The following ATP10B variants were observed in gnomAD, a reference collection of about 807,000 sequenced individuals.
The protein encoded by ATP10B is phospholipid-transporting ATPase VB.
ATP10B carries 122 observed loss-of-function variants against 141.2 expected under a neutral mutation model. The ratio of observed to expected loss-of-function variants is 0.86; its 90% CI spans 0.75 to 1.00. The LOEUF is 1.00. Among genes scored for constraint, ATP10B ranks in the 50% least tolerant of loss-of-function variants. The pLI, the probability that ATP10B is intolerant of heterozygous loss-of-function variation, is 0.00. For synonymous variants in ATP10B, 685 were observed against 692.0 expected (o/e 0.99, Z 0.16); for missense variants, 1,876 against 1,825.3 (o/e 1.03, Z -0.51).
At chr5:160,672,839 G>C (rs922409577) in intron 6 of ATP10B, among the ~76,000 whole-genome samples, 1 of 152,246 alleles carries the variant, frequency 6.6e-6, no homozygotes, top group African/African-American at 2.4e-5. Flanking sequence ...TGAGGAGGAA[G>C]AGGGTTTTGG....
At chr5:160,728,403 T>C (rs1766513667) in intron 2 of ATP10B, among the ~76,000 whole-genome samples, 1 of 152,184 alleles carries the variant, frequency 6.6e-6, no homozygotes, top group African/African-American at 2.4e-5. Flanking sequence ...TAACTATACG[T>C]ATGTGATAGA....
chr5:160,645,671 C>T (rs533731392), intron 8 of ATP10B, among the ~76,000 whole-genome samples: 18 of 152,296 alleles, frequency 1.2e-4, no homozygotes, highest in South Asian at 4.1e-4. Flanking sequence ...ATCCTGATGC[C>T]GTTCCTTTGA....
chr5:160,870,553 T>G, the ATP10B span, among the ~76,000 whole-genome samples: 1 of 151,464 alleles, frequency 6.6e-6, no homozygotes, highest in African/African-American at 2.4e-5. Context: ...ACTAAAAACT[T>G]CAGAGCAGAA....
the ATP10B span, among the ~76,000 whole-genome samples, chr5:160,883,635 CAG>C: frequency 6.6e-6 from 1 of 152,066 alleles, no homozygotes; most frequent in East Asian, 1.9e-4. Context: ...ACGTTTATAA[CAG>C]AAAGTTGATA....
chr5:160,675,865 A>T (rs993889899), intron 6 of ATP10B, among the ~76,000 whole-genome samples: 2 of 13,770 alleles, frequency 1.5e-4, no homozygotes, highest in African/African-American at 6.1e-4. Context: ...CCAGAGAAGC[A>T]GGGGGGTGGG....
intron 2 of ATP10B, among the ~76,000 whole-genome samples, chr5:160,754,011 C>T (rs939372152): frequency 1.3e-5 from 2 of 152,154 alleles, no homozygotes; most frequent in East Asian, 1.9e-4. Flanking sequence ...AAAGAGAAAA[C>T]TGAGTTTCCC....
intron 7 of ATP10B, among the ~76,000 whole-genome samples, chr5:160,653,582 CATATATACAT>C (rs1400548419): frequency 0.033 from 716 of 21,766 alleles, 41 homozygotes; most frequent in African/African-American, 0.19. Flanking sequence ...TACATATATA[CATATATACAT>C]ATATACATAT....
At position 160,828,257 on chromosome 5, in the gene ATP10B, A is replaced by G. The variant is rs1561900610; in HGVS notation, c.-576+23684T>C. ...CTTCTGCACAGCAAAAGAAACTACC[A>G]TCAGAGTGAACAGGCAACCTACAAA... On this transcript the variant is annotated intron_variant, in intron 1 of 25. Coordinates refer to ENST00000327245, the MANE Select transcript of ATP10B (RefSeq NM_025153.3). Among the ~76,000 whole-genome samples the G allele has an allele frequency of 2.0e-5, 3 of 152,158 alleles. No homozygotes were observed. The South Asian group carries it at 6.2e-4, about 31-fold the overall frequency.
At chr5:160,625,494 T>C (rs1758563958) in intron 13 of ATP10B, among the ~76,000 whole-genome samples, 2 of 152,188 alleles carry the variant, frequency 1.3e-5, no homozygotes, top group South Asian at 2.1e-4. Flanking sequence ...AGGAACAAAC[T>C]TGGAGATGTC....
chr5:160,577,677 C>G (rs1165044848), intron 24 of ATP10B, among the ~76,000 whole-genome samples: 1 of 152,164 alleles, frequency 6.6e-6, no homozygotes, highest in African/African-American at 2.4e-5. Context: ...ATGACTTACT[C>G]TTTATTTCAT....
the ATP10B span, among the ~76,000 whole-genome samples, chr5:160,917,782 G>A: frequency 1.3e-5 from 2 of 152,174 alleles, no homozygotes; most frequent in Non-Finnish European, 2.9e-5. Context: ...TGGCGTCCCT[G>A]CCACCTACCC....
chr5:160,882,302 T>C, the ATP10B span, among the ~76,000 whole-genome samples: 2 of 151,610 alleles, frequency 1.3e-5, no homozygotes, highest in Non-Finnish European at 2.9e-5. Context: ...TTTTAACAAA[T>C]ATGCCATTCT....
upstream of ATP10B, among the ~76,000 whole-genome samples, chr5:160,855,897 T>C (rs908795198): frequency 1.1e-4 from 17 of 151,980 alleles, no homozygotes; most frequent in African/African-American, 1.4e-4. Flanking sequence ...AAAAAATTAG[T>C]TGCATATTTG....
At chr5:160,821,482 A>C (rs1030057636) in intron 1 of ATP10B, among the ~76,000 whole-genome samples, 3 of 152,154 alleles carry the variant, frequency 2.0e-5, no homozygotes, top group African/African-American at 7.2e-5. Context: ...TCAAAATAAC[A>C]ATGATATTCT....
chr5:160,830,848 T>C (rs1362985448), intron 1 of ATP10B, among the ~76,000 whole-genome samples: 2 of 151,758 alleles, frequency 1.3e-5, no homozygotes, highest in African/African-American at 2.4e-5. Context: ...AACCTCGGAC[T>C]CTTATTTTAG....
chr5:160,766,177 T>A (rs1244896454), intron 2 of ATP10B, among the ~76,000 whole-genome samples: 1 of 152,098 alleles, frequency 6.6e-6, no homozygotes, highest in African/African-American at 2.4e-5. Context: ...AGAACTACCA[T>A]TTGATTCAGC....
rs747434170 is a variant in ATP10B, at chr5:160,634,634, A to G, written c.1129-28T>C. On this transcript the variant is annotated intron_variant, in intron 11 of 25. Coordinates refer to ENST00000327245, the MANE Select transcript of ATP10B (RefSeq NM_025153.3). ...GAAAAGAGATGAGTTTCTACCATTCAGAAACCAGGCAGGTTCCCTCCCTTG... is the reference window on the plus strand; with the variant it reads ...GAAAAGAGATGAGTTTCTACCATTCGGAAACCAGGCAGGTTCCCTCCCTTG... 6 of 1,570,834 alleles carry G rather than the reference A, an allele frequency of 3.8e-6. No homozygotes were observed. The East Asian group carries it at 6.7e-5, about 18-fold the overall frequency.
chr5:160,784,740 G>A (rs1771008357), intron 2 of ATP10B, among the ~76,000 whole-genome samples: 1 of 152,110 alleles, frequency 6.6e-6, no homozygotes, highest in Admixed American at 6.6e-5. Context: ...TGCCATGATG[G>A]AGTATGTGAG....
chr5:160,828,098 A>G (rs1397854254), intron 1 of ATP10B, among the ~76,000 whole-genome samples: 1 of 152,224 alleles, frequency 6.6e-6, no homozygotes, highest in African/African-American at 2.4e-5. Context: ...ACCTAAAACC[A>G]TAAAAACCCT....
Sources: allele counts gnomAD v4.1 joint callset (sites outside exome capture counted in the v4.1 genomes callset), GRCh38; gene constraint gnomAD v4.1.1; transcripts MANE v1.5; gene names NCBI Gene and HGNC (gene_info 2026-07-23, HGNC 2026-07-21).